Variants in GRM4 observed in about 807,000 individuals in gnomAD.
GRM4 encodes the protein metabotropic glutamate receptor 4.
Under a neutral mutation model 81.7 loss-of-function variants are expected in GRM4, and 28 were observed. That is an observed-to-expected ratio of 0.34 (90% confidence interval 0.25 to 0.47). The LOEUF (loss-of-function observed/expected upper bound fraction) is 0.47, where lower values mean the gene tolerates loss of function less well. Ranked by LOEUF, GRM4 falls within the 20% of genes least tolerant of loss-of-function variation. The pLI, the probability that GRM4 is intolerant of heterozygous loss-of-function variation, is 1.00. For missense variants in GRM4, 948 were observed against 1,290.0 expected, an observed-to-expected ratio of 0.73 and a Z score of 4.06; for synonymous variants, 488 against 528.8, an observed-to-expected ratio of 0.92 and a Z score of 1.06.
At chr6:34,154,565 G>T (rs1372397320) in intron 1 of GRM4, among the ~76,000 whole-genome samples, 1 of 149,904 alleles carries the variant, frequency 6.7e-6, no homozygotes, top group Non-Finnish European at 1.5e-5. Flanking sequence ...ACAGATGGGA[G>T]GTTAGATGGA....
intron 2 of GRM4, among the ~76,000 whole-genome samples, chr6:34,131,305 A>G (rs1770223629): frequency 6.6e-6 from 1 of 152,238 alleles, no homozygotes; most frequent in Admixed American, 6.5e-5. Flanking sequence ...ACGTACATCC[A>G]TGTTCAACCA....
intron 2 of GRM4, among the ~76,000 whole-genome samples, chr6:34,129,679 C>G (rs752473613): frequency 4.5e-4 from 68 of 152,184 alleles, no homozygotes; most frequent in Admixed American, 1.8e-3. Context: ...GTCTCTTGAG[C>G]AGGCAGTCTC....
rs761664788 is a variant in GRM4 at position 34,056,660 on chromosome 6, C to T, written c.1052G>A (p.Arg351His). 8.1e-6 allele frequency: 13 copies of T among 1,613,338 alleles called. No homozygotes were observed. In the East Asian group the frequency reaches 8.9e-5, roughly 11 times the overall value. Residue 351 changes from arginine (R) to histidine (H), a missense_variant, in exon 6 of 11, where the codon CGC becomes CAC. By Grantham distance (29) the Arg-to-His change is conservative. Coordinates refer to ENST00000538487, the MANE Select transcript of GRM4 (RefSeq NM_000841.4). ...GTTGCGCCGGTTGTTGTCCAGCGTG[C>T]GGCTGGAGAAGTAGCGGTCGAAGCC... Reference protein sequence around the residue: ...VRGFDRYFSSRTLDNNRRNIW... With the variant: ...VRGFDRYFSSHTLDNNRRNIW...
intron 6 of GRM4, among the ~76,000 whole-genome samples, chr6:34,044,225 TACAG>T (rs1463090737): frequency 2.1e-5 from 3 of 141,692 alleles, no homozygotes; most frequent in East Asian, 2.1e-4. Flanking sequence ...TACACATATA[TACAG>T]ACACACACAT....
chr6:34,052,784 G>A (rs1339451632), intron 6 of GRM4, among the ~76,000 whole-genome samples: 2 of 152,172 alleles, frequency 1.3e-5, no homozygotes, highest in Admixed American at 6.5e-5. Context: ...GGGCAGGGGT[G>A]GGCACTGGCT....
intron 3 of GRM4, among the ~76,000 whole-genome samples, chr6:34,091,014 C>T (rs890727725): frequency 6.6e-6 from 1 of 152,034 alleles, no homozygotes. Context: ...TTCAGCCCCA[C>T]AGCCCCCCAG....
chr6:34,080,302 C>T lies in GRM4; in HGVS notation c.736+11581G>A, dbSNP rs753931488. Among the ~76,000 whole-genome samples, 2 of 152,200 alleles carry T rather than the reference C, an allele frequency of 1.3e-5. No homozygotes were observed. Among genetic ancestry groups the T allele is most frequent in the Non-Finnish European group, 2.9e-5 (2 of 68,036 alleles). ...TGCCCCTCTCTGTCCACTTACACTG[C>T]TTTGTTCCTCTTCAGAGCAGCATCT... is the stretch of plus-strand genomic sequence containing the variant. On this transcript the variant is annotated intron_variant, in intron 3 of 10. Coordinates refer to ENST00000538487, the MANE Select transcript of GRM4 (RefSeq NM_000841.4). The surrounding 1 kb of genome is among the most constrained non-coding windows in gnomAD (Gnocchi z 5.4).
chr6:34,133,809 C>T lies in GRM4; in HGVS notation c.-313G>A. 2.6e-6 allele frequency: 3 copies of T among 1,142,986 alleles called. No homozygotes were observed. Among genetic ancestry groups the T allele is most frequent in the Non-Finnish European group, 3.2e-6 (3 of 931,396 alleles). The allele number at this position is 1,142,986 out of a possible 1,614,324, so 70.8% of individuals were successfully genotyped here. On this transcript the variant is annotated 5_prime_UTR_variant, in exon 2 of 11. Transcript: ENST00000538487. This position sits in a 1 kb window ranked among gnomAD's most constrained non-coding sequence, Gnocchi z 6.5. ...AAAGGGCAGAATGCTCCTAGCTTGG[C>T]GTATCTTGGCATCAAGGAGAAAACA... is the stretch of plus-strand genomic sequence containing the variant.
chr6:34,146,131 C>G (rs919161747), upstream of GRM4: 2 of 985,410 alleles, frequency 2.0e-6, no homozygotes, highest in African/African-American at 3.5e-5. Flanking sequence ...CACCCTGGTG[C>G]GTCACTGGAA....
Position 34,056,696 on chromosome 6 carries a change from C to A in GRM4, c.1028-12G>T, listed in dbSNP as rs778204950. ...GTAGCGGTCGAAGCCTGGCAGGGAA[C>A]CAGGACGTCAGGGCCTCACTGGCCT... On this transcript the variant is annotated splice_polypyrimidine_tract_variant and intron_variant, in intron 5 of 10. Coordinates refer to ENST00000538487, the MANE Select transcript of GRM4 (RefSeq NM_000841.4). The A allele has an allele frequency of 1.4e-5, 22 of 1,611,514 alleles. No homozygotes were observed. The East Asian group carries it at 4.7e-4, about 34-fold the overall frequency.
At chr6:34,101,679 C>G (rs999614566) in intron 2 of GRM4, among the ~76,000 whole-genome samples, 2 of 152,220 alleles carry the variant, frequency 1.3e-5, no homozygotes, top group African/African-American at 4.8e-5. Flanking sequence ...GTGGCCCACT[C>G]GTCTCCAACA....
chr6:34,072,413 CCA>C (rs1213034791), intron 3 of GRM4, among the ~76,000 whole-genome samples: 2 of 145,364 alleles, frequency 1.4e-5, no homozygotes, highest in African/African-American at 5.1e-5. Context: ...CCTTACATCA[CCA>C]CACAGATACA....
rs1038308745 is a variant in GRM4, at chr6:34,019,542, C to T, written c.*3279G>A. The T allele has an allele frequency of 1.3e-5, 2 of 152,216 alleles. No individual in the cohort carries two copies. The highest frequency in any genetic ancestry group is 4.8e-5 in the African/African-American group (2 of 41,426). The allele number at this position is 152,216 out of a possible 1,614,324, so 9.4% of individuals were successfully genotyped here. ...CAGGTCCAGTGTTCTGGAGGGAGCC[C>T]AGCGTCTCTATTGTCTAGAAGTTCC... is the stretch of plus-strand genomic sequence containing the variant. On this transcript the variant is annotated 3_prime_UTR_variant, in exon 11 of 11. Transcript: ENST00000538487.
chr6:34,087,799 T>TACACACACACACACAC (rs71000022), intron 3 of GRM4, among the ~76,000 whole-genome samples: 4,215 of 88,332 alleles, frequency 0.048, 431 homozygotes, highest in Admixed American at 0.066. Context: ...CATGCACCCC[T>TACACACACACACACAC]ACACACACAC....
rs1467829091 is a variant in GRM4, at chr6:34,048,963, G to T, written c.1168+7581C>A. 6.6e-6 allele frequency among the ~76,000 whole-genome samples: 1 copy of T among 152,068 alleles called. No homozygotes were observed. Among genetic ancestry groups the T allele is most frequent in the Non-Finnish European group, 1.5e-5 (1 of 68,016 alleles). ...GTCTAAGGTAGTTCTTTATAGCAGC[G>T]TGAGAACAACTAACACACTAGGTCT... On this transcript the variant is annotated intron_variant, in intron 6 of 10. Transcript: ENST00000538487. This position sits in a 1 kb window ranked among gnomAD's most constrained non-coding sequence, Gnocchi z 4.0.
rs56366656 is a variant in GRM4 at position 34,115,526 on chromosome 6, G to T, written c.519+17452C>A. ...CCCTGCTCCCAGCCACAAGGTCCTG[G>T]TTCAGGACCTTGGACAGCAGCCTCC... On this transcript the variant is annotated intron_variant, in intron 2 of 10. Transcript: ENST00000538487. The surrounding 1 kb of genome is among the most constrained non-coding windows in gnomAD (Gnocchi z 4.1). Among the ~76,000 whole-genome samples, 2 of 152,236 alleles carry T rather than the reference G, an allele frequency of 1.3e-5. No homozygotes were observed. Among genetic ancestry groups the T allele is most frequent in the Admixed American group, 6.5e-5 (1 of 15,302 alleles).
intron 2 of GRM4, among the ~76,000 whole-genome samples, chr6:34,129,843 A>C (rs1403639626): frequency 2.0e-5 from 3 of 152,132 alleles, no homozygotes; most frequent in African/African-American, 7.2e-5. Context: ...ACTGCACTCC[A>C]TTAGCATTCT....
intron 2 of GRM4, among the ~76,000 whole-genome samples, chr6:34,124,524 G>A (rs1269887617): frequency 6.6e-6 from 1 of 152,222 alleles, no homozygotes; most frequent in Non-Finnish European, 1.5e-5. Flanking sequence ...GCTCACCCGA[G>A]TGCTTCCTGC....
chr6:34,103,662 G>C (rs1425504997), intron 2 of GRM4: 2 of 1,535,554 alleles, frequency 1.3e-6, no homozygotes, highest in Non-Finnish European at 1.7e-6. Context: ...AGGCAGGCAG[G>C]GCAGAGGCCC....
Sources: gnomAD v4.1 joint callset for allele counts (sites outside exome capture counted in the v4.1 genomes callset) on GRCh38, gnomAD v4.1.1 for gene constraint, Gnocchi (gnomAD v3.1) non-coding constraint, MANE v1.5 for transcripts, NCBI Gene and HGNC (gene_info 2026-07-23, HGNC 2026-07-21) for gene names.